The following TEDC1 variants were observed in gnomAD, a reference collection of about 807,000 sequenced individuals.
TEDC1 encodes the protein tubulin epsilon and delta complex 1.
TEDC1 carries 54 observed loss-of-function variants against 59.9 expected under a neutral mutation model. That is an observed-to-expected ratio of 0.90 (90% CI 0.72 to 1.13). The LOEUF (loss-of-function observed/expected upper bound fraction) is 1.13, where lower values mean the gene tolerates loss of function less well. Among genes scored for constraint, TEDC1 ranks in the 50% most tolerant of loss-of-function variants. The pLI, the probability that TEDC1 is intolerant of heterozygous loss-of-function variation, is 0.00. For synonymous variants in TEDC1, 353 were observed against 298.1 expected, an observed-to-expected ratio of 1.18 and a Z score of -1.90; for missense variants, 734 against 683.4, an observed-to-expected ratio of 1.07 and a Z score of -0.83.
At position 105,499,098 on chromosome 14, in the gene TEDC1, C is replaced by T. The variant is rs1269179184; in HGVS notation, c.*152C>T. The T allele has an allele frequency of 1.2e-6, 1 of 840,212 alleles. No homozygotes were observed. The highest frequency in any genetic ancestry group is 3.6e-4 in the Middle Eastern group (1 of 2,768). The allele number at this position is 840,212 out of a possible 1,614,324, so 52.0% of individuals were successfully genotyped here. On this transcript the variant is annotated 3_prime_UTR_variant, in exon 9 of 9. Transcript: ENST00000392523. Reference sequence around the variant, plus strand: ...CGCTCCAGGGGTGGGGCTGGGCTGACTCTGGCCGGATCCCAGGCCTGTGGC... The same window carrying T: ...CGCTCCAGGGGTGGGGCTGGGCTGATTCTGGCCGGATCCCAGGCCTGTGGC...
In TEDC1 at chr14:105,491,511, C is replaced by T. The variant is rs2084207386; in HGVS notation, c.136C>T (p.Arg46Cys). 6.7e-7 allele frequency: 1 copy of T among 1,500,468 alleles called. No individual in the cohort carries two copies. The highest frequency in any genetic ancestry group is 2.5e-5 in the East Asian group (1 of 39,842). The allele number at this position is 1,500,468 out of a possible 1,614,324, so 92.9% of individuals were successfully genotyped here. ...PEIFRRAKFDRPEATSALWQL... is the reference protein window; with the variant it reads ...PEIFRRAKFDCPEATSALWQL... ...GATCTTCCGCCGCGCCAAGTTCGAC[C>T]GTCCGGAGGCGGTGACGCTCTCGCG... The change falls in exon 1 of 9, where the codon CGT becomes TGT. Residue 46 changes from arginine (R) to cysteine (C), a missense_variant. Physicochemically the swap from Arg to Cys is radical, Grantham distance 180 (BLOSUM62 -3). Transcript: ENST00000392523.
At chr14:105,492,347 C>G (rs1555439632) in intron 3 of TEDC1, 38 bp downstream of exon 3, 2 of 1,593,468 alleles carry the variant, frequency 1.3e-6, no homozygotes, top group East Asian at 2.2e-5. Flanking sequence ...CAGCCCTGGT[C>G]TCAACTCCTG....
At chr14:105,493,809 C>T in intron 4 of TEDC1, 26 bp from the exon 5 acceptor site, 1 of 1,567,540 alleles carries the variant, frequency 6.4e-7, no homozygotes, top group Non-Finnish European at 8.7e-7. Flanking sequence ...TGCCACTCAG[C>T]CTGGGGTCTG....
chr14:105,491,682 T>C lies in TEDC1; in HGVS notation c.208T>C (p.Leu70=). The change falls in exon 2 of 9, where the codon TTG becomes CTG. Residue 70 remains leucine, a synonymous_variant. Coordinates refer to ENST00000392523, the MANE Select transcript of TEDC1 (RefSeq NM_001367178.1). ...VLSPLPAGNA[L]ASLALEVQAR... ...CTCGCCACTCCCTGCGGGCAACGCC[T>C]TGGCATCGCTCGCCCTGGGTAAGCC... is the stretch of plus-strand genomic sequence containing the variant. 1 of 1,549,326 alleles carries C rather than the reference T, an allele frequency of 6.5e-7. No individual in the cohort carries two copies. Among genetic ancestry groups the C allele is most frequent in the Non-Finnish European group, 8.7e-7 (1 of 1,146,870 alleles).
Position 105,493,843 on chromosome 14 carries a change from G to A in TEDC1, c.594G>A (p.Leu198=). 1 of 1,606,908 alleles carries A rather than the reference G, an allele frequency of 6.2e-7. No individual in the cohort carries two copies. The highest frequency in any genetic ancestry group is 8.5e-7 in the Non-Finnish European group (1 of 1,179,294). The change falls in exon 5 of 9, where the codon CTG becomes CTA. Residue 198 remains leucine, a synonymous_variant. Coordinates refer to ENST00000392523, the MANE Select transcript of TEDC1 (RefSeq NM_001367178.1). Reference sequence around the variant, plus strand: ...TGCACTACCTGTTTTAGATCCACCTGTACACACGCGGCTGCCACAGCGACC... The same window carrying A: ...TGCACTACCTGTTTTAGATCCACCTATACACACGCGGCTGCCACAGCGACC... ...EQCALLSKIH[L]YTRGCHSDQS...
chr14:105,493,992 GACTGCCCAGGGTGGGAGGGGCCT>G, intron 5 of TEDC1, 59 bp downstream of exon 5: 3 of 319,580 alleles, frequency 9.4e-6, no homozygotes, highest in Non-Finnish European at 1.8e-5. Flanking sequence ...ACAGCAGGGG[GACTGCCCAGGGTGGGAGGGGCCT>G]GGGGGCGGGG....
At position 105,497,453 on chromosome 14, in the gene TEDC1, C is replaced by T; in HGVS notation, c.978+10C>T. The T allele has an allele frequency of 1.3e-6, 2 of 1,542,928 alleles. No individual in the cohort carries two copies. The highest frequency in any genetic ancestry group is 1.2e-5 in the South Asian group (1 of 84,074). On this transcript the variant is annotated intron_variant, in intron 7 of 8. Coordinates refer to ENST00000392523, the MANE Select transcript of TEDC1 (RefSeq NM_001367178.1). ...CTTCTGGCGGTGGATGGTGAGGAAG[C>T]CCGCGCATCCCTCTCCCGGCATCCC...
At chr14:105,498,037 T>G in intron 8 of TEDC1, 60 bp downstream of exon 8, 2 of 1,436,232 alleles carry the variant, frequency 1.4e-6, no homozygotes, top group Non-Finnish European at 1.8e-6. Context: ...ATGGCTGACC[T>G]GAGGGCACTT....
chr14:105,496,120 C>T (rs587774021), intron 6 of TEDC1, 34 bp downstream of exon 6: 30 of 187,946 alleles, frequency 1.6e-4, no homozygotes, highest in South Asian at 2.6e-4. Flanking sequence ...AAGTGGAGAC[C>T]GCAGGACTTG....
Position 105,497,339 on chromosome 14 carries a change from CT to C in TEDC1, c.892-17del. On this transcript the variant is annotated splice_polypyrimidine_tract_variant and intron_variant, in intron 6 of 8. Transcript: ENST00000392523. ...GGTCCCGTGTGAGGTTCTAGGCCAG[CT>C]GCCGTTTGCCTTCCAGCTGCTGCGG... 1.9e-6 allele frequency: 3 copies of C among 1,549,354 alleles called. No individual in the cohort carries two copies. In the Middle Eastern group the frequency reaches 5.1e-4, roughly 261 times the overall value.
At chr14:105,493,330 A>G (rs2084261300) in intron 4 of TEDC1, among the ~76,000 whole-genome samples, 1 of 145,500 alleles carries the variant, frequency 6.9e-6, no homozygotes, top group Non-Finnish European at 1.5e-5. Context: ...TGGCCTTTCC[A>G]GGGACCTCTC....
At chr14:105,496,870 T>TA (rs782407641) in intron 6 of TEDC1, 15 of 205,934 alleles carry the variant, frequency 7.3e-5, no homozygotes, top group Non-Finnish European at 1.3e-4. Context: ...TCCCTGAAGT[T>TA]ACAGGGGATG....
chr14:105,495,722 GAGGCTGCCCTGGCCCC>G, intron 5 of TEDC1, 142 bp from the exon 6 acceptor site: 1 of 654,582 alleles, frequency 1.5e-6, no homozygotes, highest in South Asian at 1.9e-5. Context: ...GGGCAGAGGA[GAGGCTGCCCTGGCCCC>G]AGGCTGCTCC....
chr14:105,490,951 C>A, upstream of TEDC1: 1 of 1,318,320 alleles, frequency 7.6e-7, no homozygotes, highest in Non-Finnish European at 1.1e-6. Context: ...CCTGCAAGGG[C>A]GGACTCTGCG....
In TEDC1 at chr14:105,491,271, GC is replaced by G; in HGVS notation, c.-104del. ...AGGTTCCAGCCGGAGCGGTAACTGG[GC>G]GCAGGTCCCAGCCGCCGCACTAAAC... On this transcript the variant is annotated 5_prime_UTR_variant, in exon 1 of 9. Transcript: ENST00000392523. 6.6e-7 allele frequency: 1 copy of G among 1,525,490 alleles called. No individual in the cohort carries two copies. Among genetic ancestry groups the G allele is most frequent in the Non-Finnish European group, 8.8e-7 (1 of 1,139,172 alleles). The allele number at this position is 1,525,490 out of a possible 1,614,324, so 94.5% of individuals were successfully genotyped here.
Position 105,499,211 on chromosome 14 carries a change from T to C in TEDC1, c.*265T>C. ...GGTCTGGAGGGGACTCGGAAATAAA[T>C]TGTAGCAGCTTTCCTGCCGCTGGCC... On this transcript the variant is annotated 3_prime_UTR_variant, in exon 9 of 9. Transcript: ENST00000392523. The C allele has an allele frequency of 1.8e-6, 1 of 548,774 alleles. No homozygotes were observed. Among genetic ancestry groups the C allele is most frequent in the Non-Finnish European group, 3.2e-6 (1 of 309,218 alleles). The allele number at this position is 548,774 out of a possible 1,614,324, so 34.0% of individuals were successfully genotyped here.
rs782246489 is a variant in TEDC1 at position 105,493,896 on chromosome 14, A to G, written c.647A>G (p.Glu216Gly). The G allele has an allele frequency of 2.5e-6, 4 of 1,596,852 alleles. No individual in the cohort carries two copies. The highest frequency in any genetic ancestry group is 2.6e-6 in the Non-Finnish European group (3 of 1,175,994). ...DQSLSHLSVTEAEMLRDPEGG... is the reference protein window; with the variant it reads ...DQSLSHLSVTGAEMLRDPEGG... ...AGCCTTAGCCATCTGTCTGTCACTG[A>G]AGCAGAGATGCTCAGGGACCCAGAG... is the stretch of plus-strand genomic sequence containing the variant. Residue 216 changes from glutamate to glycine, a missense_variant, in exon 5 of 9, where the codon GAA (glutamate) becomes GGA (glycine). By Grantham distance (98) the Glu-to-Gly change is moderately conservative. Coordinates refer to ENST00000392523, the MANE Select transcript of TEDC1 (RefSeq NM_001367178.1).
At position 105,495,868 on chromosome 14, in the gene TEDC1, C is replaced by T. The variant is rs782816326; in HGVS notation, c.685-12C>T. 1 of 1,544,694 alleles carries T rather than the reference C, an allele frequency of 6.5e-7. No homozygotes were observed. Reference sequence around the variant, plus strand: ...CCAGGTGGACTGGGGCCATGGCTGGCTTCCTTCCAAGGTTTCTGGAGCGGG... The same window carrying T: ...CCAGGTGGACTGGGGCCATGGCTGGTTTCCTTCCAAGGTTTCTGGAGCGGG... On this transcript the variant is annotated splice_polypyrimidine_tract_variant and intron_variant, in intron 5 of 8. Coordinates refer to ENST00000392523, the MANE Select transcript of TEDC1 (RefSeq NM_001367178.1).
intron 2 of TEDC1, 25 bp downstream of exon 2, chr14:105,491,725 C>T (rs1555439406): frequency 6.5e-7 from 1 of 1,539,770 alleles, no homozygotes; most frequent in South Asian, 1.2e-5. Flanking sequence ...TGGCCCCGCC[C>T]ACCCGGTAGC....
Sources: gnomAD v4.1 joint callset for allele counts (sites outside exome capture counted in the v4.1 genomes callset) on GRCh38, gnomAD v4.1.1 for gene constraint, MANE v1.5 for transcripts, NCBI Gene and HGNC (gene_info 2026-07-23, HGNC 2026-07-21) for gene names.